Variants in DNAH11 observed in about 807,000 individuals in gnomAD.
The protein encoded by DNAH11 is dynein axonemal heavy chain 11.
A neutral mutation model predicts 526.0 loss-of-function variants in DNAH11; 442 were observed. The ratio of observed to expected loss-of-function variants is 0.84; its 90% CI spans 0.78 to 0.91. The LOEUF is 0.91. DNAH11 is among the 40% of genes least tolerant of loss of function. The pLI is 0.00. For missense variants in DNAH11, 6,989 were observed against 5,448.7 expected, an observed-to-expected ratio of 1.28 and a Z score of -8.90; for synonymous variants, 2,461 against 1,935.9, an observed-to-expected ratio of 1.27 and a Z score of -7.12.
intron 28 of DNAH11, among the ~76,000 whole-genome samples, chr7:21,654,442 A>T (rs1170859835): frequency 6.6e-6 from 1 of 152,226 alleles, no homozygotes; most frequent in Non-Finnish European, 1.5e-5. Flanking sequence ...ACTGAACAAT[A>T]TTCCGTTGTA....
chr7:21,809,281 T>C (rs948637800), intron 63 of DNAH11, among the ~76,000 whole-genome samples: 2 of 152,226 alleles, frequency 1.3e-5, no homozygotes, highest in Non-Finnish European at 2.9e-5. Flanking sequence ...GTATTCTGGT[T>C]ATTGATGCCT....
chr7:21,671,247 T>C (rs1178110221), intron 30 of DNAH11, among the ~76,000 whole-genome samples: 2 of 152,206 alleles, frequency 1.3e-5, no homozygotes, highest in African/African-American at 2.4e-5. Flanking sequence ...TTTTAAGTAA[T>C]TCAGCATGTG....
intron 69 of DNAH11, 67 bp downstream of exon 69, chr7:21,862,090 AT>A: frequency 7.5e-7 from 1 of 1,340,658 alleles, no homozygotes; most frequent in Non-Finnish European, 9.9e-7. Context: ...TTTATTATAT[AT>A]TTTATTTCTG....
chr7:21,861,909 G>T lies in DNAH11; in HGVS notation c.11259G>T (p.Met3753Ile), dbSNP rs376188259. 2 of 1,613,586 alleles carry T rather than the reference G, an allele frequency of 1.2e-6. No individual in the cohort carries two copies. The highest frequency in any genetic ancestry group is 1.1e-5 in the South Asian group (1 of 91,020). Residue 3753 changes from methionine (M) to isoleucine (I), a missense_variant, in exon 69 of 82, where the codon ATG (methionine) becomes ATT (isoleucine). Transcript: ENST00000409508. ...AIEQADKVEDMQGRISILMES... is the reference protein window; with the variant it reads ...AIEQADKVEDIQGRISILMES... ...AGCAGGCTGACAAGGTGGAAGACAT[G>T]CAGGGACGCATCTCTATCCTGATGG...
intron 2 of DNAH11, among the ~76,000 whole-genome samples, chr7:21,554,170 A>ATTT (rs746086141): frequency 5.4e-5 from 6 of 110,360 alleles, no homozygotes; most frequent in Admixed American, 9.5e-5. Context: ...GTTCTCTGGG[A>ATTT]TTTTTTTTTT....
chr7:21,793,405 C>A (rs1373718854), intron 61 of DNAH11, among the ~76,000 whole-genome samples: 1 of 151,866 alleles, frequency 6.6e-6, no homozygotes, highest in Non-Finnish European at 1.5e-5. Flanking sequence ...ATCATGAGGT[C>A]AGGAGATTGA....
At chr7:21,872,142 A>AACAAACAAAC (rs1193285406) in intron 73 of DNAH11, among the ~76,000 whole-genome samples, 2 of 147,694 alleles carry the variant, frequency 1.4e-5, no homozygotes, top group African/African-American at 2.5e-5. Context: ...AAAAAAAAAA[A>AACAAACAAAC]AAAAAAACCT....
intron 61 of DNAH11, among the ~76,000 whole-genome samples, chr7:21,799,216 C>G (rs1316404871): frequency 6.6e-6 from 1 of 152,180 alleles, no homozygotes. Context: ...TAGCTGGTAG[C>G]AGCATCCAAA....
Position 21,773,958 on chromosome 7 carries a change from C to T in DNAH11, c.9295C>T (p.Leu3099=). The T allele has an allele frequency of 6.3e-7, 1 of 1,581,372 alleles. No homozygotes were observed. Among genetic ancestry groups the T allele is most frequent in the South Asian group, 1.2e-5 (1 of 85,934 alleles). The change falls in exon 56 of 82, where the codon CTG becomes TTG. Residue 3099 remains leucine (L), a synonymous_variant. Coordinates refer to ENST00000409508, the MANE Select transcript of DNAH11 (RefSeq NM_001277115.2). Reference sequence around the variant, plus strand: ...TGAGGTATCCGAGAAAAAAGAACGCCTGGTGAACGGCATCCAAAAGCTAAA... The same window carrying T: ...TGAGGTATCCGAGAAAAAAGAACGCTTGGTGAACGGCATCCAAAAGCTAAA... The part of the protein sequence containing the change: ...QNEVSEKKER[L]VNGIQKLKTT...
At chr7:21,658,299 A>G (rs1389734581) in intron 29 of DNAH11, among the ~76,000 whole-genome samples, 1 of 152,172 alleles carries the variant, frequency 6.6e-6, no homozygotes, top group Non-Finnish European at 1.5e-5. Flanking sequence ...ATTTTATCTT[A>G]AAACTGTGAA....
At chr7:21,891,602 C>A (rs1784328291) in intron 76 of DNAH11, among the ~76,000 whole-genome samples, 1 of 152,168 alleles carries the variant, frequency 6.6e-6, no homozygotes, top group African/African-American at 2.4e-5. Context: ...TTTGTTATTG[C>A]TATTCACATT....
chr7:21,828,432 C>T (rs1583745415), intron 65 of DNAH11, among the ~76,000 whole-genome samples: 1 of 152,296 alleles, frequency 6.6e-6, no homozygotes, highest in Non-Finnish European at 1.5e-5. Flanking sequence ...AACAGCTTTT[C>T]TATTCCTAAA....
intron 67 of DNAH11, among the ~76,000 whole-genome samples, chr7:21,852,854 C>G (rs541532649): frequency 1.3e-5 from 2 of 152,330 alleles, no homozygotes; most frequent in East Asian, 3.9e-4. Flanking sequence ...TCAAATTAGA[C>G]ACTGTCCGGC....
intron 54 of DNAH11, among the ~76,000 whole-genome samples, chr7:21,763,880 A>G (rs1278217759): frequency 6.6e-6 from 1 of 150,930 alleles, no homozygotes; most frequent in Non-Finnish European, 1.5e-5. Context: ...AAATCCTGTC[A>G]TATGTCAACA....
intron 54 of DNAH11, among the ~76,000 whole-genome samples, chr7:21,756,170 ATTAAT>A (rs1347949113): frequency 6.6e-6 from 1 of 152,038 alleles, no homozygotes; most frequent in Non-Finnish European, 1.5e-5. Context: ...TTTTCTTTAA[ATTAAT>A]TTATAATATT....
At chr7:21,543,671 T>C (rs1782678858) in intron 1 of DNAH11, 75 bp downstream of exon 1, 2 of 1,472,314 alleles carry the variant, frequency 1.4e-6, no homozygotes, top group Non-Finnish European at 1.8e-6. Flanking sequence ...CGCTCCCCTT[T>C]GGATTCCCGC....
At chr7:21,866,275 G>C (rs115230977) in intron 70 of DNAH11, among the ~76,000 whole-genome samples, 195 bp from the exon 71 acceptor site, 27 of 150,212 alleles carry the variant, frequency 1.8e-4, no homozygotes, top group African/African-American at 6.4e-4. Context: ...CAGGGAACCA[G>C]GGAACTCAGC....
intron 28 of DNAH11, among the ~76,000 whole-genome samples, chr7:21,643,196 AAAACATTTGTATTTTTT>A (rs1312068153): frequency 1.3e-5 from 2 of 152,162 alleles, no homozygotes; most frequent in Non-Finnish European, 2.9e-5. Context: ...CCCTTTCAGA[AAAACATTTGTATTTTTT>A]AACTGAACTA....
chr7:21,836,149 T>A lies in DNAH11; in HGVS notation c.10692-6395T>A, dbSNP rs141181858. ...TTTCCTGTTCATGGATTGAAAGAATTAACATTGTAAAACTGTCCATACTAC... is the reference window on the plus strand; with the variant it reads ...TTTCCTGTTCATGGATTGAAAGAATAAACATTGTAAAACTGTCCATACTAC... On this transcript the variant is annotated intron_variant, in intron 65 of 81. Transcript: ENST00000409508. Among the ~76,000 whole-genome samples the A allele has an allele frequency of 2.0e-3, 308 of 152,110 alleles. 1 individual carries two copies. Among genetic ancestry groups the A allele is most frequent in the African/African-American group, 6.7e-3 (280 of 41,524 alleles).
Sources: allele counts gnomAD v4.1 joint callset (sites outside exome capture counted in the v4.1 genomes callset), GRCh38; gene constraint gnomAD v4.1.1; transcripts MANE v1.5; gene names NCBI Gene and HGNC (gene_info 2026-07-23, HGNC 2026-07-21).